The following ZNF182 variants were observed in gnomAD, a reference collection of about 807,000 sequenced individuals.
ZNF182 encodes zinc finger protein 182.
Under a neutral mutation model 28.1 loss-of-function variants are expected in ZNF182, and 10 were observed. The observed-to-expected ratio is 0.36, with a 90% CI of 0.22 to 0.60. ZNF182 has a LOEUF of 0.60. Ranked by LOEUF, ZNF182 falls within the 20% of genes least tolerant of loss-of-function variation. ZNF182 has a pLI of 0.75. For missense variants in ZNF182, 352 were observed against 453.2 expected (o/e 0.78, Z 2.03); for synonymous variants, 156 against 158.7 (o/e 0.98, Z 0.13).
rs188135049 is a variant in ZNF182 at position 47,981,792 on chromosome X, C to T, written c.232+1157G>A. ...ACATGCACCTGTAGTCCCAGCTACTCGGGAGGCTGAGGCAGGAAAATTGCT... is the reference window on the plus strand; with the variant it reads ...ACATGCACCTGTAGTCCCAGCTACTTGGGAGGCTGAGGCAGGAAAATTGCT... On this transcript the variant is annotated intron_variant, in intron 5 of 5. Transcript: ENST00000376943. Among the ~76,000 whole-genome samples the T allele has an allele frequency of 3.2e-4, 35 of 108,606 alleles. 1 individual carries two copies. The highest frequency in any genetic ancestry group is 3.0e-3 in the Admixed American group (30 of 10,128). The allele number at this position is 108,606 out of a possible 115,157, so 94.3% of individuals were successfully genotyped here.
At chrX:48,000,525 G>A (rs1399159904) in intron 3 of ZNF182, among the ~76,000 whole-genome samples, 3 of 108,877 alleles carry the variant, frequency 2.8e-5, no homozygotes, top group African/African-American at 1.0e-4. Flanking sequence ...TGGCGCCACT[G>A]CACTCTAGCC....
In ZNF182 at chrX:48,002,587, ATACT is replaced by A; in HGVS notation, c.15+4_15+7del. The stretch of plus-strand genomic sequence containing the variant: ...ATAGAGGAATGAAGAAACAGACAAC[ATACT>A]TACCTGGGGTTTGGCCATTTCCTGC... On this transcript the variant is annotated splice_donor_5th_base_variant and intron_variant, in intron 3 of 5. Transcript: ENST00000376943. The A allele has an allele frequency of 8.3e-7, 1 of 1,211,371 alleles. No homozygotes were observed. The highest frequency in any genetic ancestry group is 3.0e-5 in the East Asian group (1 of 33,865).
At chrX:47,995,318 C>G (rs1434306523) in intron 3 of ZNF182, among the ~76,000 whole-genome samples, 1 of 110,823 alleles carries the variant, frequency 9.0e-6, no homozygotes, top group African/African-American at 3.3e-5. Context: ...GGCGACAGAG[C>G]GAGACGCTGT....
At chrX:47,983,246 A>G in intron 4 of ZNF182, 39 bp downstream of exon 4, 3 of 1,209,560 alleles carry the variant, frequency 2.5e-6, no homozygotes, top group Non-Finnish European at 3.4e-6. Context: ...GGATGCAATA[A>G]TCATAAACTG....
intron 3 of ZNF182, among the ~76,000 whole-genome samples, chrX:47,998,854 CAAAAAA>C (rs57757084): frequency 1.8e-5 from 1 of 56,847 alleles, no homozygotes. Flanking sequence ...GACTCCGTCT[CAAAAAA>C]AAAAAAAAAA....
intron 3 of ZNF182, among the ~76,000 whole-genome samples, chrX:47,996,803 C>G (rs965155783): frequency 9.0e-5 from 10 of 111,710 alleles, no homozygotes; most frequent in African/African-American, 2.6e-4. Flanking sequence ...AGCTTGCTCT[C>G]TGTGTGTGTG....
intron 3 of ZNF182, chrX:47,988,636 A>G: frequency 2.8e-6 from 1 of 363,264 alleles, no homozygotes; most frequent in Non-Finnish European, 4.9e-6. Flanking sequence ...CAAATAAACC[A>G]CTTTTCTTTA....
Position 47,976,150 on chromosome X carries a change from T to C in ZNF182, c.*17A>G. 1.8e-6 allele frequency: 2 copies of C among 1,127,411 alleles called. No homozygotes were observed. Among genetic ancestry groups the C allele is most frequent in the Non-Finnish European group, 1.2e-6 (1 of 854,961 alleles). 92.9% of individuals were successfully genotyped at this position (1,127,411 alleles called of 1,213,427 possible). On this transcript the variant is annotated 3_prime_UTR_variant, in exon 6 of 6. Coordinates refer to ENST00000376943, the MANE Select transcript of ZNF182 (RefSeq NM_001007088.2). The stretch of plus-strand genomic sequence containing the variant: ...ACTTTCTTTCAGTGTCCATAATAGA[T>C]ACTGCTGATTAGCTCTCTAATGTGC...
intron 3 of ZNF182, 100 bp from the exon 4 acceptor site, chrX:47,983,511 A>T (rs1447757431): frequency 1.1e-6 from 1 of 928,928 alleles, no homozygotes; most frequent in African/African-American, 2.0e-5. Context: ...CATCATGATG[A>T]CTCAATATTG....
chrX:47,990,464 A>G (rs1250445631), intron 3 of ZNF182, among the ~76,000 whole-genome samples: 1 of 111,572 alleles, frequency 9.0e-6, no homozygotes, highest in Non-Finnish European at 1.9e-5. Context: ...TGTCACCCCC[A>G]AAATAAATGC....
At chrX:47,997,331 A>C (rs368120893) in intron 3 of ZNF182, among the ~76,000 whole-genome samples, 22 of 108,856 alleles carry the variant, frequency 2.0e-4, no homozygotes, top group East Asian at 1.2e-3. Flanking sequence ...AAAAAAAAAA[A>C]ACACAACATA....
In ZNF182 at chrX:47,976,019, T is replaced by C; in HGVS notation, c.*148A>G. On this transcript the variant is annotated 3_prime_UTR_variant, in exon 6 of 6. Coordinates refer to ENST00000376943, the MANE Select transcript of ZNF182 (RefSeq NM_001007088.2). ...GATTACACTTCTGCTTTTTCTCCCG[T>C]AGCTTTTGGGTTATGACTGAGATGA... 1.7e-6 allele frequency: 1 copy of C among 581,273 alleles called. No individual in the cohort carries two copies. The highest frequency in any genetic ancestry group is 5.2e-5 in the South Asian group (1 of 19,107). 47.9% of individuals were successfully genotyped at this position (581,273 alleles called of 1,213,427 possible).
intron 2 of ZNF182, among the ~76,000 whole-genome samples, chrX:48,003,246 T>C (rs1239515131): frequency 8.9e-6 from 1 of 112,700 alleles, no homozygotes; most frequent in Non-Finnish European, 1.9e-5. Context: ...ACACCAAAAA[T>C]GTCTAAAAAC....
chrX:47,980,830 T>C, intron 5 of ZNF182, among the ~76,000 whole-genome samples: 1 of 112,133 alleles, frequency 8.9e-6, no homozygotes, highest in African/African-American at 3.2e-5. Context: ...GTAACTATTT[T>C]ATATAATCAT....
At chrX:47,996,375 A>G (rs1226577657) in intron 3 of ZNF182, among the ~76,000 whole-genome samples, 1 of 111,547 alleles carries the variant, frequency 9.0e-6, no homozygotes, top group African/African-American at 3.3e-5. Context: ...CTCTGTAAAT[A>G]GATATAGTAA....
chrX:47,999,559 AG>A (rs1413176566), intron 3 of ZNF182, among the ~76,000 whole-genome samples: 5 of 102,330 alleles, frequency 4.9e-5, no homozygotes, highest in African/African-American at 1.8e-4. Context: ...GAGGCAGGGA[AG>A]GGTTGCGGGG....
intron 5 of ZNF182, among the ~76,000 whole-genome samples, chrX:47,979,792 A>C (rs888836709): frequency 9.0e-6 from 1 of 110,668 alleles, no homozygotes; most frequent in African/African-American, 3.3e-5. Context: ...AAACAAAGGG[A>C]AAAACTGGGT....
Position 47,983,419 on chromosome X carries a change from G to A in ZNF182, c.16-8C>T, listed in dbSNP as rs1321034677. 12 of 1,183,502 alleles carry A rather than the reference G, an allele frequency of 1.0e-5. No individual in the cohort carries two copies. Among genetic ancestry groups the A allele is most frequent in the Middle Eastern group, 2.4e-4 (1 of 4,249 alleles). On this transcript the variant is annotated splice_polypyrimidine_tract_variant and splice_region_variant and intron_variant, in intron 3 of 5. Coordinates refer to ENST00000376943, the MANE Select transcript of ZNF182 (RefSeq NM_001007088.2). ...TTCAAATGTCACTAGCCCCTGTAATGGTACATTCCTTTTATTTTAAAATGC... is the reference window on the plus strand; with the variant it reads ...TTCAAATGTCACTAGCCCCTGTAATAGTACATTCCTTTTATTTTAAAATGC...
intron 5 of ZNF182, among the ~76,000 whole-genome samples, chrX:47,978,100 G>A (rs1449135559): frequency 9.0e-6 from 1 of 111,013 alleles, no homozygotes; most frequent in Non-Finnish European, 1.9e-5. Flanking sequence ...CAGGATCTCA[G>A]CTCTGTTGCC....
Sources: allele counts gnomAD v4.1 joint callset (sites outside exome capture counted in the v4.1 genomes callset), GRCh38; gene constraint gnomAD v4.1.1; transcripts MANE v1.5; gene names NCBI Gene and HGNC (gene_info 2026-07-23, HGNC 2026-07-21).